ITPR1: variants seen among roughly 807,000 people sequenced by gnomAD.
ITPR1 encodes the protein inositol 1,4,5-trisphosphate receptor type 1.
ITPR1 carries 96 observed loss-of-function variants against 318.4 expected under a neutral mutation model. That is an observed-to-expected ratio of 0.30 (90% CI 0.26 to 0.36). The LOEUF is 0.36. Ranked by LOEUF, ITPR1 falls within the 10% of genes least tolerant of loss-of-function variation. The probability of loss-of-function intolerance (pLI) is 1.00; values close to 1 mark genes in which losing one functional copy is unlikely to be tolerated. For missense variants in ITPR1, 2,440 were observed against 3,460.2 expected (o/e 0.71, Z 7.40); for synonymous variants, 1,312 against 1,289.9 (o/e 1.02, Z -0.37).
At chr3:4,564,034 G>A (rs1422168719) in intron 4 of ITPR1, among the ~76,000 whole-genome samples, 1 of 151,698 alleles carries the variant, frequency 6.6e-6, no homozygotes, top group Non-Finnish European at 1.5e-5. Context: ...CTCCACCTCC[G>A]GGGTTCAAGC....
At chr3:4,513,749 G>A (rs936607080) in intron 2 of ITPR1, among the ~76,000 whole-genome samples, 1 of 152,130 alleles carries the variant, frequency 6.6e-6, no homozygotes, top group Admixed American at 6.5e-5. Context: ...ATTTTAACCT[G>A]TGTTCCCAGG....
At chr3:4,644,591 A>G (rs569104290) in intron 8 of ITPR1, among the ~76,000 whole-genome samples, 80 of 152,312 alleles carry the variant, frequency 5.3e-4, no homozygotes, top group South Asian at 1.0e-3. Context: ...CCTCTTTTTA[A>G]CTGTTCAAAA....
chr3:4,563,912 A>G (rs192107823), intron 4 of ITPR1, among the ~76,000 whole-genome samples: 5 of 152,072 alleles, frequency 3.3e-5, no homozygotes, highest in African/African-American at 1.2e-4. Context: ...TCTCACCTAA[A>G]TCAAAGTGTC....
chr3:4,522,513 A>G (rs1327589359), intron 4 of ITPR1, among the ~76,000 whole-genome samples: 1 of 152,166 alleles, frequency 6.6e-6, no homozygotes, highest in Non-Finnish European at 1.5e-5. Context: ...TCACCTGAGG[A>G]TGGGTGGTGG....
intron 4 of ITPR1, among the ~76,000 whole-genome samples, chr3:4,603,812 G>C (rs11719669): frequency 2.6e-5 from 4 of 152,100 alleles, no homozygotes; most frequent in South Asian, 2.1e-4. Flanking sequence ...GTACGAGTGC[G>C]TGTGTCTTTT....
At chr3:4,697,008 C>A in intron 33 of ITPR1, 139 bp from the exon 34 acceptor site, 1 of 640,468 alleles carries the variant, frequency 1.6e-6, no homozygotes, top group Non-Finnish European at 2.6e-6. Context: ...TTTCAAATAT[C>A]AGAAAATCAT....
At chr3:4,707,655 G>A (rs1175128773) in intron 37 of ITPR1, among the ~76,000 whole-genome samples, 1 of 152,214 alleles carries the variant, frequency 6.6e-6, no homozygotes, top group African/African-American at 2.4e-5. Context: ...TAAGAAGAAT[G>A]TGAAAGACAG....
At chr3:4,839,354 G>C (rs2051172058) in intron 61 of ITPR1, among the ~76,000 whole-genome samples, 2 of 151,940 alleles carry the variant, frequency 1.3e-5, no homozygotes, top group Admixed American at 1.3e-4. Context: ...TAGAGGTATA[G>C]GACAGTATCC....
At chr3:4,677,739 T>A (rs939799853) in intron 24 of ITPR1, among the ~76,000 whole-genome samples, 16 of 152,144 alleles carry the variant, frequency 1.1e-4, no homozygotes, top group African/African-American at 3.6e-4. Flanking sequence ...TTTAAGTGGG[T>A]GGGTTATAAC....
At chr3:4,644,701 T>A (rs2093416051) in intron 8 of ITPR1, among the ~76,000 whole-genome samples, 1 of 152,222 alleles carries the variant, frequency 6.6e-6, no homozygotes, top group Non-Finnish European at 1.5e-5. Context: ...GATGCAAGGA[T>A]GTTACTTCCT....
chr3:4,512,054 C>T (rs1320385536), intron 2 of ITPR1, among the ~76,000 whole-genome samples: 1 of 152,086 alleles, frequency 6.6e-6, no homozygotes, highest in Non-Finnish European at 1.5e-5. Context: ...GTGGTATGAT[C>T]ACAGCTCACT....
intron 4 of ITPR1, among the ~76,000 whole-genome samples, chr3:4,611,245 A>AAAAG: frequency 6.8e-6 from 1 of 147,550 alleles, no homozygotes; most frequent in African/African-American, 2.5e-5. Context: ...AAAAAAAACA[A>AAAAG]AAAAAAAACT....
intron 2 of ITPR1, among the ~76,000 whole-genome samples, chr3:4,504,333 T>G (rs1216219783): frequency 2.0e-5 from 3 of 152,180 alleles, no homozygotes; most frequent in Non-Finnish European, 4.4e-5. Context: ...AGCAACGTTG[T>G]ATTATACTAG....
intron 53 of ITPR1, among the ~76,000 whole-genome samples, chr3:4,797,305 T>A (rs965989066): frequency 6.6e-6 from 1 of 151,936 alleles, no homozygotes; most frequent in African/African-American, 2.4e-5. Context: ...AGTAGAAGAG[T>A]TGTATTAACC....
rs769357988 is a variant in ITPR1, at chr3:4,782,645, G to A, written c.6414G>A (p.Met2138Ile). The A allele has an allele frequency of 2.5e-6, 4 of 1,606,224 alleles. No homozygotes were observed. The highest frequency in any genetic ancestry group is 3.4e-6 in the Non-Finnish European group (4 of 1,175,960). ...TGGAAGTGATCAAGAAAGCCTACAT[G>A]CAAGGTGAAGTGGAATTTGAGGATG... ...ELVEVIKKAY[M>I]QGEVEFEDGE... is the part of the protein sequence containing the mutation. Residue 2138 changes from methionine (M) to isoleucine (I), a missense_variant, in exon 50 of 62, where the codon ATG (methionine) becomes ATA (isoleucine). Physicochemically the swap from Met to Ile is conservative, Grantham distance 10. Coordinates refer to ENST00000649015, the MANE Select transcript of ITPR1 (RefSeq NM_001378452.1).
chr3:4,837,961 T>C (rs1002694991), intron 61 of ITPR1, among the ~76,000 whole-genome samples: 8 of 152,200 alleles, frequency 5.3e-5, no homozygotes, highest in African/African-American at 1.4e-4. Flanking sequence ...ATGTCTGCAC[T>C]GGAGGTAAGT....
At chr3:4,570,952 A>C (rs957709652) in intron 4 of ITPR1, among the ~76,000 whole-genome samples, 9 of 152,162 alleles carry the variant, frequency 5.9e-5, no homozygotes, top group African/African-American at 2.2e-4. Context: ...GAGCTTACCC[A>C]TGTGCCTGAG....
At chr3:4,746,889 T>G (rs1312142598) in intron 44 of ITPR1, among the ~76,000 whole-genome samples, 2 of 152,226 alleles carry the variant, frequency 1.3e-5, no homozygotes, top group African/African-American at 2.4e-5. Flanking sequence ...GTGCACTTTC[T>G]TCCGGGGTCA....
chr3:4,668,853 G>A (rs184861776), intron 18 of ITPR1, among the ~76,000 whole-genome samples: 1 of 152,172 alleles, frequency 6.6e-6, no homozygotes. Flanking sequence ...TTCAGTTGTT[G>A]GTTGAGCGTT....
Sources: gnomAD v4.1 joint callset for allele counts (sites outside exome capture counted in the v4.1 genomes callset) on GRCh38, gnomAD v4.1.1 for gene constraint, MANE v1.5 for transcripts, NCBI Gene and HGNC (gene_info 2026-07-23, HGNC 2026-07-21) for gene names.